Variants in RSPH1 observed in about 807,000 individuals in gnomAD.
RSPH1 encodes radial spoke head 1 homolog.
Under a neutral mutation model 44.2 loss-of-function variants are expected in RSPH1, and 32 were observed. That is an observed-to-expected ratio of 0.72 (90% CI 0.55 to 0.97). The LOEUF (loss-of-function observed/expected upper bound fraction) is 0.97, where lower values mean the gene tolerates loss of function less well. RSPH1 is among the 50% of genes least tolerant of loss of function. The pLI, the probability that RSPH1 is intolerant of heterozygous loss-of-function variation, is 0.00. For missense variants in RSPH1, 391 were observed against 398.7 expected (o/e 0.98, Z 0.16); for synonymous variants, 134 against 147.3 (o/e 0.91, Z 0.65).
At chr21:42,489,257 C>CTGGTTGGCTGGTTGGTTGGTTGGTTGGT (rs2054211872) in intron 3 of RSPH1, among the ~76,000 whole-genome samples, 1 of 115,466 alleles carries the variant, frequency 8.7e-6, no homozygotes, top group East Asian at 2.5e-4. Flanking sequence ...GTTTGGTTGG[C>CTGGTTGGCTGGTTGGTTGGTTGGTTGGT]TGGTTGGCTG....
At chr21:42,473,769 G>C (rs1255137293) in intron 8 of RSPH1, among the ~76,000 whole-genome samples, 1 of 152,114 alleles carries the variant, frequency 6.6e-6, no homozygotes, top group Admixed American at 6.5e-5. Context: ...ACTGTGGCCT[G>C]GGTGACCCTT....
intron 1 of RSPH1, among the ~76,000 whole-genome samples, chr21:42,495,834 G>C (rs1417192560): frequency 1.3e-5 from 2 of 152,166 alleles, no homozygotes; most frequent in African/African-American, 4.8e-5. Flanking sequence ...TTAACACAGG[G>C]AGGAGGAAAC....
chr21:42,475,937 C>T lies in RSPH1; in HGVS notation c.838G>A (p.Glu280Lys), dbSNP rs1388033798. The change falls in exon 8 of 9, where the codon GAG becomes AAG. Residue 280 changes from glutamate to lysine, a missense_variant. Glu to Lys is a moderately conservative substitution (Grantham distance 56). Transcript: ENST00000291536. Reference protein sequence around the residue: ...DADVLREESREYDQEEFRYDM... With the variant: ...DADVLREESRKYDQEEFRYDM... ...TAGCGGAACTCCTCCTGGTCATACT[C>T]CCGGCTCTCTTCCCGGAGGACGTCT... The T allele has an allele frequency of 6.2e-7, 1 of 1,612,156 alleles. No individual in the cohort carries two copies. Among genetic ancestry groups the T allele is most frequent in the African/African-American group, 1.3e-5 (1 of 74,468 alleles).
chr21:42,475,596 A>G (rs576368357), intron 8 of RSPH1, among the ~76,000 whole-genome samples: 3 of 148,302 alleles, frequency 2.0e-5, no homozygotes, highest in African/African-American at 7.4e-5. Context: ...ATGCAACAGA[A>G]GAAAGCCAGG....
At chr21:42,489,786 T>C (rs2054218031) in intron 3 of RSPH1, among the ~76,000 whole-genome samples, 2 of 152,158 alleles carry the variant, frequency 1.3e-5, no homozygotes, top group African/African-American at 2.4e-5. Context: ...AGCTGGTGGG[T>C]AGCAAGACTG....
chr21:42,489,111 G>T (rs1196044308), intron 3 of RSPH1, among the ~76,000 whole-genome samples: 1 of 152,060 alleles, frequency 6.6e-6, no homozygotes, highest in African/African-American at 2.4e-5. Flanking sequence ...CTGGCTGGTT[G>T]GTTGGTTAAC....
chr21:42,472,821 G>T lies in RSPH1; in HGVS notation c.927C>A (p.Asp309Glu). Residue 309 changes from aspartate to glutamate, a missense_variant, in exon 9 of 9, where the codon GAC (aspartate) becomes GAA (glutamate). Transcript: ENST00000291536. ...TCTCCTCTCGGCTCACTTCATCTTAGTCCTGGAGGTCTGACTGTCTAGTTT... is the reference window on the plus strand; with the variant it reads ...TCTCCTCTCGGCTCACTTCATCTTATTCCTGGAGGTCTGACTGTCTAGTTT... ...EEETRQSDLQD is the reference protein window; with the variant it reads ...EEETRQSDLQE The T allele has an allele frequency of 6.2e-7, 1 of 1,609,132 alleles. No homozygotes were observed. The highest frequency in any genetic ancestry group is 1.3e-5 in the African/African-American group (1 of 74,888).
intron 3 of RSPH1, among the ~76,000 whole-genome samples, chr21:42,489,972 G>C (rs2146660534): frequency 6.6e-6 from 1 of 152,246 alleles, no homozygotes; most frequent in South Asian, 2.1e-4. Context: ...TTGTTTTGAT[G>C]AGTTCTGTTT....
At chr21:42,484,884 T>C (rs541839087) in intron 5 of RSPH1, 1 of 152,278 alleles carries the variant, frequency 6.6e-6, no homozygotes, top group East Asian at 1.9e-4. Flanking sequence ...GGTTAGGGCA[T>C]GAATTATACG....
At chr21:42,494,760 C>T (rs1033065701) in intron 1 of RSPH1, among the ~76,000 whole-genome samples, 5 of 150,584 alleles carry the variant, frequency 3.3e-5, no homozygotes, top group East Asian at 1.9e-4. Context: ...AGTGCAGTGG[C>T]GTGATCTCGG....
intron 3 of RSPH1, among the ~76,000 whole-genome samples, chr21:42,489,043 G>GGTTGGCTGGTTGGCTGGTTGGTTA (rs2054208793): frequency 6.6e-6 from 1 of 152,036 alleles, no homozygotes; most frequent in African/African-American, 2.4e-5. Flanking sequence ...TTGGTTGGTT[G>GGTTGGCTGGTTGGCTGGTTGGTTA]GTTGGCTGGT....
rs1262650318 is a variant in RSPH1 at position 42,485,513 on chromosome 21, C to T, written c.501+156G>A. 2.9e-5 allele frequency: 23 copies of T among 791,080 alleles called. No homozygotes were observed. The South Asian group carries it at 3.9e-4, about 14-fold the overall frequency. The allele number at this position is 791,080 out of a possible 1,614,324, so 49.0% of individuals were successfully genotyped here. ...TTCTGTGCTCTGTGGGTACCAGAGG[C>T]TCAGAGAATGGCACAGCTGTCCTGT... On this transcript the variant is annotated intron_variant, in intron 5 of 8. Transcript: ENST00000291536.
chr21:42,477,588 A>G lies in RSPH1; in HGVS notation c.574-144T>C, dbSNP rs372199000. 3.6e-4 allele frequency: 273 copies of G among 767,678 alleles called. 2 individuals carry two copies. The East Asian group carries it at 7.1e-3, about 20-fold the overall frequency. 47.6% of individuals were successfully genotyped at this position (767,678 alleles called of 1,614,324 possible). A position where few individuals can be genotyped will look rare whatever the true frequency, so the allele number is the denominator to read the frequency against. ...TTTTAGGACGTCACTCAGGAATCAGACCAGTTGCTGACTATCCATGGTATA... is the reference window on the plus strand; with the variant it reads ...TTTTAGGACGTCACTCAGGAATCAGGCCAGTTGCTGACTATCCATGGTATA... On this transcript the variant is annotated intron_variant, in intron 6 of 8. Transcript: ENST00000291536.
At chr21:42,477,011 ATGCCCCACACCCTCTGTCCCACAGCCCG>A (rs2054062586) in intron 7 of RSPH1, among the ~76,000 whole-genome samples, 1 of 21,282 alleles carries the variant, frequency 4.7e-5, no homozygotes, top group African/African-American at 1.3e-4. Flanking sequence ...AGCCCGGGGG[ATGCCCCACACCCTCTGTCCCACAGCCCG>A]GGGGTGCCCC....
chr21:42,477,096 C>G, intron 7 of RSPH1, among the ~76,000 whole-genome samples, 195 bp downstream of exon 7: 1 of 145,966 alleles, frequency 6.9e-6, no homozygotes, highest in East Asian at 2.0e-4. Context: ...GCCCCACACC[C>G]TCTGCCCCCT....
chr21:42,481,873 T>G (rs1029258753), intron 6 of RSPH1, among the ~76,000 whole-genome samples: 1 of 152,108 alleles, frequency 6.6e-6, no homozygotes, highest in Non-Finnish European at 1.5e-5. Context: ...GGAATGTCAA[T>G]GTAGTGTTAA....
At chr21:42,483,873 C>T (rs56147291) in intron 5 of RSPH1, among the ~76,000 whole-genome samples, 12,265 of 152,170 alleles carry the variant, frequency 0.081, 593 homozygotes, top group Middle Eastern at 0.12. Context: ...GTCAAGTGTT[C>T]CTAGCACTAT....
At position 42,475,918 on chromosome 21, in the gene RSPH1, A is replaced by G; in HGVS notation, c.857T>C (p.Phe286Ser). The part of the protein sequence containing the change: ...EESREYDQEE[F>S]RYDMDEGNIN... ...CTCACCCTCATCCATGTCATAGCGGAACTCCTCCTGGTCATACTCCCGGCT... is the reference window on the plus strand; with the variant it reads ...CTCACCCTCATCCATGTCATAGCGGGACTCCTCCTGGTCATACTCCCGGCT... Residue 286 changes from phenylalanine (F) to serine (S), a missense_variant, in exon 8 of 9, where the codon TTC becomes TCC. Phe to Ser is a radical substitution (Grantham distance 155, BLOSUM62 -2). Coordinates refer to ENST00000291536, the MANE Select transcript of RSPH1 (RefSeq NM_080860.4). 6.2e-7 allele frequency: 1 copy of G among 1,610,524 alleles called. No homozygotes were observed. The highest frequency in any genetic ancestry group is 8.5e-7 in the Non-Finnish European group (1 of 1,179,268).
At chr21:42,490,163 C>T (rs1030451721) in intron 3 of RSPH1, among the ~76,000 whole-genome samples, 4 of 149,730 alleles carry the variant, frequency 2.7e-5, no homozygotes, top group African/African-American at 7.4e-5. Context: ...CCTCGGCCTT[C>T]CTGCCTGTAT....
Sources: allele counts gnomAD v4.1 joint callset (sites outside exome capture counted in the v4.1 genomes callset), GRCh38; gene constraint gnomAD v4.1.1; transcripts MANE v1.5; gene names NCBI Gene and HGNC (gene_info 2026-07-23, HGNC 2026-07-21).